Variants in AFAP1 observed in about 807,000 individuals in gnomAD.
The protein encoded by AFAP1 is actin filament associated protein 1.
Under a neutral mutation model 93.9 loss-of-function variants are expected in AFAP1, and 75 were observed. The observed-to-expected ratio is 0.80, with a 90% CI of 0.66 to 0.97. AFAP1 has a LOEUF of 0.97. Ranked by LOEUF, AFAP1 falls within the 50% of genes least tolerant of loss-of-function variation. The probability of loss-of-function intolerance (pLI) is 0.00; values close to 1 mark genes in which losing one functional copy is unlikely to be tolerated. For missense variants in AFAP1, 1,201 were observed against 1,050.8 expected (o/e 1.14, Z -1.98); for synonymous variants, 517 against 430.7 (o/e 1.20, Z -2.48).
At position 7,768,153 on chromosome 4, in the gene AFAP1, G is replaced by A. The variant is rs538668885; in HGVS notation, c.2418+691C>T. ...GAGGACTCCCGTGTTCCAGCCCCTC[G>A]GGGCGGGGCCGGCCACACTCCTGTG... On this transcript the variant is annotated intron_variant, in intron 17 of 17. Transcript: ENST00000420658. Among the ~76,000 whole-genome samples the A allele has an allele frequency of 7.9e-5, 12 of 152,368 alleles. No homozygotes were observed. In the East Asian group the frequency reaches 1.3e-3, roughly 17 times the overall value.
intron 3 of AFAP1, among the ~76,000 whole-genome samples, chr4:7,866,867 TA>T (rs71264985): frequency 0.018 from 2,499 of 139,744 alleles, 58 homozygotes; most frequent in African/African-American, 0.058. Context: ...CTTTCTCTAT[TA>T]AAAAAAAAAA....
intron 16 of AFAP1, 116 bp downstream of exon 16, chr4:7,772,704 C>G (rs1715600293): frequency 2.1e-6 from 2 of 964,640 alleles, no homozygotes; most frequent in Non-Finnish European, 3.0e-6. Flanking sequence ...GCTGGGCACA[C>G]TAAGGGGCCA....
intron 10 of AFAP1, among the ~76,000 whole-genome samples, chr4:7,795,552 GTAGCTGGGAC>G (rs1176325628): frequency 2.0e-5 from 3 of 150,958 alleles, no homozygotes; most frequent in Non-Finnish European, 4.4e-5. Context: ...AGCCTCCCGA[GTAGCTGGGAC>G]TACAGGTGCC....
In AFAP1 at chr4:7,855,053, A is replaced by T. The variant is rs935725400; in HGVS notation, c.334+413T>A. 7.2e-5 allele frequency among the ~76,000 whole-genome samples: 11 copies of T among 152,336 alleles called. No individual in the cohort carries two copies. In the South Asian group the frequency reaches 2.3e-3, roughly 32 times the overall value. ...AGAGACGCCTGTTTGTGCTGTACCC[A>T]ATTATTTCTGGCCCAACAGCCAACC... On this transcript the variant is annotated intron_variant, in intron 4 of 17. Transcript: ENST00000420658.
At chr4:7,783,116 C>A (rs1446195455) in intron 12 of AFAP1, among the ~76,000 whole-genome samples, 4 of 152,046 alleles carry the variant, frequency 2.6e-5, no homozygotes, top group East Asian at 3.9e-4. Flanking sequence ...AACAGTGCCA[C>A]GATGCCAGAT....
intron 1 of AFAP1, among the ~76,000 whole-genome samples, chr4:7,928,192 C>T (rs1392596988): frequency 6.6e-6 from 1 of 152,180 alleles, no homozygotes; most frequent in Non-Finnish European, 1.5e-5. Context: ...CCCACTCCAG[C>T]ACAGCCACCT....
chr4:7,783,239 A>C (rs1351962466), intron 12 of AFAP1, among the ~76,000 whole-genome samples: 1 of 152,108 alleles, frequency 6.6e-6, no homozygotes, highest in African/African-American at 2.4e-5. Context: ...TCCCAGGCTC[A>C]AGCAATTCTC....
intron 4 of AFAP1, among the ~76,000 whole-genome samples, chr4:7,855,045 C>T (rs1298176598): frequency 6.6e-6 from 1 of 152,210 alleles, no homozygotes; most frequent in Non-Finnish European, 1.5e-5. Context: ...CCTGTTTGTG[C>T]TGTACCCAAT....
At chr4:7,782,264 C>A (rs1716852079) in intron 12 of AFAP1, among the ~76,000 whole-genome samples, 1 of 152,236 alleles carries the variant, frequency 6.6e-6, no homozygotes, top group East Asian at 1.9e-4. Context: ...CGCGGTGCTC[C>A]CGCTAAGCCT....
chr4:7,806,856 G>A (rs184097774), intron 9 of AFAP1, among the ~76,000 whole-genome samples: 30 of 152,296 alleles, frequency 2.0e-4, no homozygotes, highest in African/African-American at 6.5e-4. Flanking sequence ...CTCCCTGAGC[G>A]ACCAACTGTG....
intron 1 of AFAP1, among the ~76,000 whole-genome samples, chr4:7,936,533 G>C (rs962883207): frequency 2.7e-5 from 4 of 150,780 alleles, no homozygotes; most frequent in Non-Finnish European, 4.4e-5. Context: ...TAGAACTATA[G>C]CTCCTCTATA....
intron 9 of AFAP1, among the ~76,000 whole-genome samples, chr4:7,801,793 TG>T (rs1719055803): frequency 6.6e-6 from 1 of 151,846 alleles, no homozygotes; most frequent in Non-Finnish European, 1.5e-5. Flanking sequence ...TTTCCAATTC[TG>T]ATTTTTCAGA....
rs1233182485 is a variant in AFAP1, at chr4:7,822,623, C to T, written c.727-3452G>A. 5.8e-5 allele frequency among the ~76,000 whole-genome samples: 8 copies of T among 138,786 alleles called. No homozygotes were observed. In the East Asian group the frequency reaches 6.2e-4, roughly 11 times the overall value. 91.0% of individuals were successfully genotyped at this position (138,786 alleles called of 152,430 possible). A position where few individuals can be genotyped will look rare whatever the true frequency, so the allele number is the denominator to read the frequency against. ...TTTTTGAGACAGAGTCTCGCTCTGT[C>T]GCCCAGGCTGGAGTGCAGTGGCACG... On this transcript the variant is annotated intron_variant, in intron 6 of 17. Transcript: ENST00000420658.
rs1009336299 is a variant in AFAP1 at position 7,842,993 on chromosome 4, G to A, written c.546+146C>T. ...GATGGCATGTGGGGGCCCCTGGCATGGTACTGCGGCTAGCTCAGGGCACCT... is the reference window on the plus strand; with the variant it reads ...GATGGCATGTGGGGGCCCCTGGCATAGTACTGCGGCTAGCTCAGGGCACCT... On this transcript the variant is annotated intron_variant, in intron 5 of 17. Coordinates refer to ENST00000420658, the MANE Select transcript of AFAP1 (RefSeq NM_001134647.2). 4.7e-6 allele frequency: 4 copies of A among 847,978 alleles called. No homozygotes were observed. The South Asian group carries it at 5.3e-5, about 11-fold the overall frequency. 52.5% of individuals were successfully genotyped at this position (847,978 alleles called of 1,614,324 possible).
intron 1 of AFAP1, among the ~76,000 whole-genome samples, chr4:7,934,277 G>A (rs967306232): frequency 1.3e-5 from 2 of 152,160 alleles, no homozygotes; most frequent in Non-Finnish European, 2.9e-5. Flanking sequence ...GGCTCCAGAT[G>A]CCCCGAGGGA....
chr4:7,823,618 G>A (rs1217907930), intron 6 of AFAP1, among the ~76,000 whole-genome samples: 1 of 152,152 alleles, frequency 6.6e-6, no homozygotes. Context: ...GACAGACGAC[G>A]CTGCCCAGCA....
In AFAP1 at chr4:7,826,106, A is replaced by C. The variant is rs1721396714; in HGVS notation, c.727-6935T>G. ...TTCTAACTGGTAGAATGGTGGGTGA[A>C]GGGGGAACCCACCATATTTGGGACA... On this transcript the variant is annotated intron_variant, in intron 6 of 17. Transcript: ENST00000420658. Among the ~76,000 whole-genome samples, 5 of 152,318 alleles carry C rather than the reference A, an allele frequency of 3.3e-5. 1 individual carries two copies. The South Asian group carries it at 1.0e-3, about 32-fold the overall frequency.
chr4:7,848,393 C>T (rs1348480818), intron 4 of AFAP1, among the ~76,000 whole-genome samples: 1 of 152,068 alleles, frequency 6.6e-6, no homozygotes, highest in Non-Finnish European at 1.5e-5. Flanking sequence ...AGCCTCAGCA[C>T]CAGGGAGGCA....
chr4:7,828,097 G>A (rs952413901), intron 6 of AFAP1, among the ~76,000 whole-genome samples: 1 of 152,196 alleles, frequency 6.6e-6, no homozygotes, highest in Admixed American at 6.5e-5. Flanking sequence ...TTCAGGTTCT[G>A]CAAGGACAAT....
Sources: gnomAD v4.1 joint callset for allele counts (sites outside exome capture counted in the v4.1 genomes callset) on GRCh38, gnomAD v4.1.1 for gene constraint, MANE v1.5 for transcripts, NCBI Gene and HGNC (gene_info 2026-07-23, HGNC 2026-07-21) for gene names.